Variants in EFR3A observed in about 807,000 individuals in gnomAD.
EFR3A encodes protein EFR3 homolog A.
A neutral mutation model predicts 104.4 loss-of-function variants in EFR3A; 76 were observed. That is an observed-to-expected ratio of 0.73 (90% confidence interval 0.60 to 0.88). The LOEUF is 0.88. Among genes scored for constraint, EFR3A ranks in the 40% least tolerant of loss-of-function variants. The pLI is 0.00. For missense variants in EFR3A, 985 were observed against 1,012.5 expected (o/e 0.97, Z 0.37); for synonymous variants, 330 against 330.0 (o/e 1.00, Z 0.00).
intron 1 of EFR3A, among the ~76,000 whole-genome samples, chr8:131,910,521 C>T (rs1002211827): frequency 6.6e-6 from 1 of 152,194 alleles, no homozygotes; most frequent in Non-Finnish European, 1.5e-5. Flanking sequence ...AATCTGCCTG[C>T]CTCGGCCTCG....
rs1480649101 is a variant in EFR3A, at chr8:131,968,393, G to C, written c.954G>C (p.Leu318=). 1.1e-5 allele frequency: 17 copies of C among 1,613,504 alleles called. No individual in the cohort carries two copies. The Middle Eastern group carries it at 4.9e-4, about 47-fold the overall frequency. The change falls in exon 9 of 23, where the codon CTG becomes CTC. Residue 318 remains leucine (L), a synonymous_variant. Coordinates refer to ENST00000254624, the MANE Select transcript of EFR3A (RefSeq NM_015137.6). The part of the protein sequence containing the change: ...PRVRAGIIQV[L]LEAVAIAAKG... ...TTCGAGCAGGTATTATTCAGGTTCT[G>C]TTAGAGGCTGTTGCCATTGCTGCTA...
At chr8:131,960,389 A>T (rs77369783) in intron 8 of EFR3A, among the ~76,000 whole-genome samples, 6,275 of 152,124 alleles carry the variant, frequency 0.041, 316 homozygotes, top group East Asian at 0.12. Flanking sequence ...GGACTTGAAT[A>T]TGTGCAGATT....
At chr8:131,991,546 G>A (rs1821183067) in intron 18 of EFR3A, among the ~76,000 whole-genome samples, 1 of 152,084 alleles carries the variant, frequency 6.6e-6, no homozygotes. Flanking sequence ...TAGCTTGTAG[G>A]CAGTTAGGAG....
chr8:131,956,997 T>G (rs1330812659), intron 7 of EFR3A, among the ~76,000 whole-genome samples: 1 of 152,180 alleles, frequency 6.6e-6, no homozygotes, highest in Admixed American at 6.5e-5. Flanking sequence ...AGAGCTAGCT[T>G]GGAAGAAAGA....
intron 8 of EFR3A, among the ~76,000 whole-genome samples, chr8:131,960,160 G>A (rs188324123): frequency 5.9e-4 from 90 of 152,278 alleles, no homozygotes; most frequent in African/African-American, 2.1e-3. Flanking sequence ...TTCTTGTGGA[G>A]TTTAGACTAA....
rs781259541 is a variant in EFR3A, at chr8:131,947,870, A to G, written c.366+1237A>G. 2.6e-5 allele frequency among the ~76,000 whole-genome samples: 4 copies of G among 152,210 alleles called. No individual in the cohort carries two copies. In the East Asian group the frequency reaches 7.7e-4, roughly 29 times the overall value. On this transcript the variant is annotated intron_variant, in intron 4 of 22. Transcript: ENST00000254624. ...TTTACCATAAAAGTTAAGGGTTTAT[A>G]TGTTTATTCTTTTTTAGACTGCTTC...
intron 20 of EFR3A, 84 bp from the exon 21 acceptor site, chr8:132,002,519 A>T (rs1442606354): frequency 2.8e-6 from 3 of 1,070,332 alleles, no homozygotes. Context: ...TTTGGATGAT[A>T]TATCATTAAC....
intron 4 of EFR3A, among the ~76,000 whole-genome samples, chr8:131,947,154 T>A (rs999808276): frequency 1.1e-4 from 17 of 152,196 alleles, no homozygotes; most frequent in African/African-American, 3.1e-4. Context: ...ATATGAGTGT[T>A]GTTTCTCCAC....
intron 2 of EFR3A, among the ~76,000 whole-genome samples, chr8:131,944,000 C>A (rs1818299286): frequency 6.6e-6 from 1 of 152,032 alleles, no homozygotes; most frequent in African/African-American, 2.4e-5. Context: ...CATTGAGGGA[C>A]CAGTTGAAGG....
At chr8:131,919,940 C>G (rs1816923563) in intron 1 of EFR3A, among the ~76,000 whole-genome samples, 1 of 151,706 alleles carries the variant, frequency 6.6e-6, no homozygotes. Flanking sequence ...ACTGTAGTGA[C>G]AAGCATTTTA....
At chr8:131,950,421 C>A (rs911626800) in intron 5 of EFR3A, among the ~76,000 whole-genome samples, 1 of 152,108 alleles carries the variant, frequency 6.6e-6, no homozygotes, top group Non-Finnish European at 1.5e-5. Flanking sequence ...CACACCTCTC[C>A]TCAGGCCCTT....
chr8:131,954,015 T>C (rs1357615650), intron 6 of EFR3A, 48 bp downstream of exon 6: 1 of 1,420,516 alleles, frequency 7.0e-7, no homozygotes, highest in South Asian at 1.5e-5. Context: ...TTTATATATA[T>C]GTATGTGTGT....
intron 1 of EFR3A, among the ~76,000 whole-genome samples, chr8:131,922,153 C>T (rs1394546707): frequency 9.2e-5 from 14 of 152,128 alleles, no homozygotes; most frequent in Admixed American, 9.2e-4. Context: ...CCGCTGTCTT[C>T]ATGCAGCCTT....
chr8:131,980,103 C>T (rs187791986), intron 14 of EFR3A, among the ~76,000 whole-genome samples: 4 of 152,158 alleles, frequency 2.6e-5, no homozygotes, highest in Non-Finnish European at 2.9e-5. Flanking sequence ...GCCCTTATAA[C>T]GAACACAGTA....
intron 7 of EFR3A, among the ~76,000 whole-genome samples, chr8:131,957,746 G>C (rs1174238010): frequency 2.0e-5 from 3 of 152,156 alleles, no homozygotes; most frequent in Non-Finnish European, 4.4e-5. Flanking sequence ...TGACATTGAA[G>C]TAGGTTTTTA....
intron 18 of EFR3A, among the ~76,000 whole-genome samples, chr8:131,991,864 G>A (rs975689230): frequency 1.3e-5 from 2 of 152,112 alleles, no homozygotes; most frequent in Admixed American, 1.3e-4. Context: ...GGGAAAGGTG[G>A]CACAAATTGC....
At chr8:131,979,286 A>C in intron 13 of EFR3A, 60 bp from the exon 14 acceptor site, 1 of 1,257,304 alleles carries the variant, frequency 8.0e-7, no homozygotes, top group Non-Finnish European at 1.1e-6. Context: ...TTTCCATATA[A>C]GATGTGATAT....
At chr8:131,981,384 A>T (rs1275640605) in intron 14 of EFR3A, among the ~76,000 whole-genome samples, 2 of 152,076 alleles carry the variant, frequency 1.3e-5, no homozygotes, top group Non-Finnish European at 2.9e-5. Flanking sequence ...CTGTTTTATA[A>T]TTTAAAGTAA....
At chr8:131,952,547 A>G (rs149786901) in intron 5 of EFR3A, among the ~76,000 whole-genome samples, 17 of 152,252 alleles carry the variant, frequency 1.1e-4, no homozygotes, top group Admixed American at 3.3e-4. Flanking sequence ...AATGTGCTCC[A>G]TGCCACCTTG....
Sources: gnomAD v4.1 joint callset for allele counts (sites outside exome capture counted in the v4.1 genomes callset) on GRCh38, gnomAD v4.1.1 for gene constraint, MANE v1.5 for transcripts, NCBI Gene and HGNC (gene_info 2026-07-23, HGNC 2026-07-21) for gene names.